Variants in CSMD1 observed in about 807,000 individuals in gnomAD.
CSMD1 encodes the protein CUB and sushi domain-containing protein 1.
CSMD1 carries 213 observed loss-of-function variants against 417.5 expected under a neutral mutation model. That is an observed-to-expected ratio of 0.51 (90% CI 0.46 to 0.57). The LOEUF (loss-of-function observed/expected upper bound fraction) is 0.57. Ranked by LOEUF, CSMD1 falls within the 20% of genes least tolerant of loss-of-function variation. The pLI is 0.00. For missense variants in CSMD1, 6,923 were observed against 4,529.7 expected, an observed-to-expected ratio of 1.53 and a Z score of -15.17; for synonymous variants, 2,862 against 1,736.8, an observed-to-expected ratio of 1.65 and a Z score of -16.11.
At chr8:3,626,069 G>C (rs954206354) in intron 7 of CSMD1, among the ~76,000 whole-genome samples, 1 of 152,164 alleles carries the variant, frequency 6.6e-6, no homozygotes, top group Non-Finnish European at 1.5e-5. Flanking sequence ...TTTTATAAGA[G>C]CCTGGAGAAT....
chr8:4,702,431 A>G (rs1807626153), intron 1 of CSMD1, among the ~76,000 whole-genome samples: 1 of 152,212 alleles, frequency 6.6e-6, no homozygotes, highest in Non-Finnish European at 1.5e-5. Flanking sequence ...GTAAGATGAC[A>G]TCTTGAAGTT....
At chr8:3,629,735 A>AT (rs35248637) in intron 7 of CSMD1, among the ~76,000 whole-genome samples, 87,850 of 151,960 alleles carry the variant, frequency 0.58, 25,958 homozygotes, top group Middle Eastern at 0.75. Flanking sequence ...GTAAAACACT[A>AT]TATGCCAAAA....
intron 12 of CSMD1, among the ~76,000 whole-genome samples, chr8:3,446,277 G>A (rs1456098248): frequency 6.6e-6 from 1 of 152,198 alleles, no homozygotes; most frequent in African/African-American, 2.4e-5. Context: ...TGTGCTGCAT[G>A]GGCTATTGTA....
intron 10 of CSMD1, among the ~76,000 whole-genome samples, chr8:3,557,514 G>C (rs1437488963): frequency 2.0e-5 from 3 of 152,126 alleles, no homozygotes; most frequent in Non-Finnish European, 4.4e-5. Flanking sequence ...GCACCATTAA[G>C]AAACAAACAA....
At chr8:3,437,872 C>T (rs62505605) in intron 12 of CSMD1, among the ~76,000 whole-genome samples, 5 of 151,900 alleles carry the variant, frequency 3.3e-5, no homozygotes, top group Non-Finnish European at 5.9e-5. Flanking sequence ...TTCAGCCACC[C>T]GAGTAGCTGG....
intron 3 of CSMD1, among the ~76,000 whole-genome samples, chr8:4,184,434 C>T (rs898478274): frequency 6.6e-6 from 1 of 152,106 alleles, no homozygotes; most frequent in Admixed American, 6.6e-5. Context: ...CGGCACTATT[C>T]ACAATATCAA....
At chr8:4,865,306 A>G (rs1322814576) in intron 1 of CSMD1, among the ~76,000 whole-genome samples, 1 of 151,922 alleles carries the variant, frequency 6.6e-6, no homozygotes. Flanking sequence ...TTTTGAATAA[A>G]GAGAAAATCT....
At chr8:3,983,549 GAGA>G (rs1351937145) in intron 5 of CSMD1, among the ~76,000 whole-genome samples, 1 of 152,192 alleles carries the variant, frequency 6.6e-6, no homozygotes, top group Non-Finnish European at 1.5e-5. Context: ...CAGTGCCGTG[GAGA>G]AGGACAGCCC....
At chr8:4,572,995 G>GTTAT (rs1563298752) in intron 2 of CSMD1, among the ~76,000 whole-genome samples, 1 of 152,122 alleles carries the variant, frequency 6.6e-6, no homozygotes, top group African/African-American at 2.4e-5. Flanking sequence ...CTCTAAACTA[G>GTTAT]TTATTCAAGT....
At chr8:3,170,761 A>C (rs182284036) in intron 37 of CSMD1, among the ~76,000 whole-genome samples, 1 of 152,364 alleles carries the variant, frequency 6.6e-6, no homozygotes, top group African/African-American at 2.4e-5. Flanking sequence ...GAACTGTGTA[A>C]GTTTGTATTT....
At chr8:4,990,422 G>A (rs1342616489) in intron 1 of CSMD1, among the ~76,000 whole-genome samples, 2 of 151,516 alleles carry the variant, frequency 1.3e-5, no homozygotes, top group East Asian at 1.9e-4. Flanking sequence ...GGAGTGCAAT[G>A]GCACGATCTC....
Position 3,314,273 on chromosome 8 carries a change from A to G in CSMD1, c.3632-5770T>C, listed in dbSNP as rs1005208087. ...ATAAAAAAATAAAAAATAAATCTCA[A>G]GTTTTTAAAGGATATGTTTAATTCT... On this transcript the variant is annotated intron_variant, in intron 23 of 69. Coordinates refer to ENST00000635120, the MANE Select transcript of CSMD1 (RefSeq NM_033225.6). 2.0e-5 allele frequency among the ~76,000 whole-genome samples: 3 copies of G among 152,204 alleles called. No homozygotes were observed. In the East Asian group the frequency reaches 5.8e-4, roughly 29 times the overall value.
intron 10 of CSMD1, among the ~76,000 whole-genome samples, chr8:3,508,561 G>A (rs1796932641): frequency 3.3e-5 from 5 of 151,968 alleles, no homozygotes; most frequent in Admixed American, 3.3e-4. Context: ...CACTAAGAAT[G>A]AAAAGATTCA....
rs551754584 is a variant in CSMD1, at chr8:4,452,364, T to C, written c.303-32299A>G. Among the ~76,000 whole-genome samples, 19 of 152,272 alleles carry C rather than the reference T, an allele frequency of 1.2e-4. No individual in the cohort carries two copies. The South Asian group carries it at 3.7e-3, about 30-fold the overall frequency. On this transcript the variant is annotated intron_variant, in intron 2 of 69. Coordinates refer to ENST00000635120, the MANE Select transcript of CSMD1 (RefSeq NM_033225.6). ...AAACAAATTCCACTGGGGTGACAAG[T>C]ACAATACAAAGGCGTAGCCTCGAGG...
At chr8:4,506,225 G>A (rs1375860282) in intron 2 of CSMD1, among the ~76,000 whole-genome samples, 1 of 152,096 alleles carries the variant, frequency 6.6e-6, no homozygotes, top group Admixed American at 6.6e-5. Flanking sequence ...CAACCTAATA[G>A]AAATTACAGC....
rs1042523660 is a variant in CSMD1, at chr8:2,942,662, A to G, written c.10403-58T>C. On this transcript the variant is annotated intron_variant, in intron 68 of 69. Coordinates refer to ENST00000635120, the MANE Select transcript of CSMD1 (RefSeq NM_033225.6). ...TACTGTACTCTGCTTAAACAAATACATATGATAAATTTTGTAAATGGATAC... is the reference window on the plus strand; with the variant it reads ...TACTGTACTCTGCTTAAACAAATACGTATGATAAATTTTGTAAATGGATAC... 2.2e-6 allele frequency: 3 copies of G among 1,337,814 alleles called. No homozygotes were observed. The African/African-American group carries it at 4.4e-5, about 20-fold the overall frequency. 82.9% of individuals were successfully genotyped at this position (1,337,814 alleles called of 1,614,324 possible). A position where few individuals can be genotyped will look rare whatever the true frequency, so the allele number is the denominator to read the frequency against.
At chr8:4,007,311 G>T (rs1490524862) in intron 4 of CSMD1, among the ~76,000 whole-genome samples, 1 of 152,172 alleles carries the variant, frequency 6.6e-6, no homozygotes, top group African/African-American at 2.4e-5. Context: ...GGCTTCTTCT[G>T]TTCCTCATCC....
At chr8:4,032,179 A>G (rs1797383466) in intron 3 of CSMD1, 80 bp from the exon 4 acceptor site, 1 of 968,656 alleles carries the variant, frequency 1.0e-6, no homozygotes, top group Non-Finnish European at 1.5e-6. Flanking sequence ...AACAGACACC[A>G]TTTTTGAATT....
At chr8:4,462,980 T>C (rs1799928908) in intron 2 of CSMD1, among the ~76,000 whole-genome samples, 1 of 152,146 alleles carries the variant, frequency 6.6e-6, no homozygotes, top group Non-Finnish European at 1.5e-5. Flanking sequence ...TTAAACTTTG[T>C]ATTTCAAAAA....
Sources: allele counts gnomAD v4.1 joint callset (sites outside exome capture counted in the v4.1 genomes callset), GRCh38; gene constraint gnomAD v4.1.1; transcripts MANE v1.5; gene names NCBI Gene and HGNC (gene_info 2026-07-23, HGNC 2026-07-21).